ZFYVE9: variants seen among roughly 807,000 people sequenced by gnomAD.
The protein encoded by ZFYVE9 is zinc finger FYVE-type containing 9.
ZFYVE9 carries 43 observed loss-of-function variants against 126.7 expected under a neutral mutation model. The ratio of observed to expected loss-of-function variants is 0.34; its 90% CI spans 0.27 to 0.44. ZFYVE9 has a LOEUF of 0.44. ZFYVE9 is among the 20% of genes least tolerant of loss of function. The pLI, the probability that ZFYVE9 is intolerant of heterozygous loss-of-function variation, is 1.00. For synonymous variants in ZFYVE9, 521 were observed against 597.4 expected (o/e 0.87, Z 1.87); for missense variants, 1,476 against 1,697.0 (o/e 0.87, Z 2.29).
intron 13 of ZFYVE9, among the ~76,000 whole-genome samples, chr1:52,314,932 T>C (rs1004345641): frequency 6.6e-6 from 1 of 152,086 alleles, no homozygotes; most frequent in African/African-American, 2.4e-5. Flanking sequence ...TGCAGTGAGC[T>C]GAGATCGTGC....
At chr1:52,300,315 G>C (rs1048425340) in intron 12 of ZFYVE9, among the ~76,000 whole-genome samples, 1 of 152,158 alleles carries the variant, frequency 6.6e-6, no homozygotes, top group East Asian at 1.9e-4. Flanking sequence ...GTCTTGGCTG[G>C]GCGTAGTGGC....
chr1:52,171,073 C>T (rs914173378), intron 1 of ZFYVE9, among the ~76,000 whole-genome samples: 1 of 151,388 alleles, frequency 6.6e-6, no homozygotes, highest in African/African-American at 2.4e-5. Flanking sequence ...CATATGTATA[C>T]ATGTGCCATG....
At chr1:52,317,422 C>T (rs930732769) in intron 13 of ZFYVE9, among the ~76,000 whole-genome samples, 9 of 150,814 alleles carry the variant, frequency 6.0e-5, no homozygotes, top group Admixed American at 1.3e-4. Flanking sequence ...GTGGAGGTTG[C>T]GGTAACTCGA....
At chr1:52,269,326 C>T (rs548009395) in intron 7 of ZFYVE9, among the ~76,000 whole-genome samples, 2 of 152,036 alleles carry the variant, frequency 1.3e-5, no homozygotes, top group South Asian at 4.2e-4. Flanking sequence ...GACAGGGTTT[C>T]ACCATGTTGC....
rs1026767969 is a variant in ZFYVE9, at chr1:52,337,897, A to G, written c.3796A>G (p.Ile1266Val). The G allele has an allele frequency of 3.1e-6, 5 of 1,614,130 alleles. No individual in the cohort carries two copies. In the African/African-American group the frequency reaches 4.0e-5, roughly 13 times the overall value. ...DAEEPQEHIH[I>V]QWVDDDKNVS... ...GGAGGAACCCCAGGAGCACATCCAC[A>G]TCCAGTGGGTGGATGATGACAAGAA... Residue 1266 changes from isoleucine to valine, a missense_variant, in exon 16 of 19, where the codon ATC (isoleucine) becomes GTC (valine). Ile to Val is a conservative substitution (Grantham distance 29, BLOSUM62 3). Around this residue, in one of 2 missense-constraint regions of ZFYVE9, gnomAD observed 669 missense variants for 902.4 expected, o/e 0.74. Transcript: ENST00000287727.
At chr1:52,201,936 A>T (rs1226781419) in intron 1 of ZFYVE9, among the ~76,000 whole-genome samples, 2 of 151,306 alleles carry the variant, frequency 1.3e-5, no homozygotes, top group African/African-American at 4.9e-5. Flanking sequence ...GGCATGCACC[A>T]CCATGCCTGG....
chr1:52,278,858 G>C (rs1159629414), intron 9 of ZFYVE9, among the ~76,000 whole-genome samples: 1 of 151,372 alleles, frequency 6.6e-6, no homozygotes, highest in Non-Finnish European at 1.5e-5. Context: ...TCCTGCCTGA[G>C]CAGCTGGGAC....
chr1:52,253,872 A>G, intron 4 of ZFYVE9: 2 of 1,215,916 alleles, frequency 1.6e-6, no homozygotes, highest in Non-Finnish European at 2.4e-6. Context: ...CAGACTACAA[A>G]TCTGATGAAA....
chr1:52,274,649 T>C lies in ZFYVE9; in HGVS notation c.2746+65T>C, dbSNP rs550395104. 4.7e-5 allele frequency: 68 copies of C among 1,460,524 alleles called. No individual in the cohort carries two copies. The East Asian group carries it at 1.7e-3, about 36-fold the overall frequency. 90.5% of individuals were successfully genotyped at this position (1,460,524 alleles called of 1,614,324 possible). ...GCCAAATGTTACCTTCTAATTAAGG[T>C]AGAGAGACAGAATTTGAGTGACATT... On this transcript the variant is annotated intron_variant, in intron 8 of 18. Coordinates refer to ENST00000287727, the MANE Select transcript of ZFYVE9 (RefSeq NM_004799.4).
At chr1:52,275,077 T>C (rs1163656044) in intron 8 of ZFYVE9, among the ~76,000 whole-genome samples, 1 of 152,240 alleles carries the variant, frequency 6.6e-6, no homozygotes. Flanking sequence ...CTTAATATTA[T>C]GTGAAATTTT....
intron 4 of ZFYVE9, among the ~76,000 whole-genome samples, chr1:52,243,728 C>G (rs775116042): frequency 6.6e-6 from 1 of 151,738 alleles, no homozygotes; most frequent in Non-Finnish European, 1.5e-5. Flanking sequence ...CACTGTACTC[C>G]AGCCAGAGTG....
intron 2 of ZFYVE9, among the ~76,000 whole-genome samples, chr1:52,222,883 T>C (rs1232064440): frequency 6.6e-6 from 1 of 152,236 alleles, no homozygotes; most frequent in Non-Finnish European, 1.5e-5. Context: ...ATAAATTAGT[T>C]CCTGCTTTGG....
intron 2 of ZFYVE9, among the ~76,000 whole-genome samples, chr1:52,232,086 C>G (rs897914802): frequency 6.6e-6 from 1 of 152,120 alleles, no homozygotes; most frequent in Non-Finnish European, 1.5e-5. Context: ...TTAAAGTTTA[C>G]AAAGACAGCC....
intron 1 of ZFYVE9, chr1:52,150,314 G>A (rs1644342511): frequency 6.6e-6 from 1 of 152,252 alleles, no homozygotes; most frequent in Admixed American, 6.5e-5. Flanking sequence ...ACTGGCCCAG[G>A]CTGGGAATGG....
At chr1:52,325,289 C>T (rs1319222959) in intron 13 of ZFYVE9, among the ~76,000 whole-genome samples, 1 of 152,046 alleles carries the variant, frequency 6.6e-6, no homozygotes, top group East Asian at 1.9e-4. Context: ...GACTGCACCA[C>T]TGCACTCTAG....
intron 1 of ZFYVE9, among the ~76,000 whole-genome samples, chr1:52,199,704 G>A (rs1367208124): frequency 6.6e-6 from 1 of 152,160 alleles, no homozygotes; most frequent in Non-Finnish European, 1.5e-5. Flanking sequence ...TGAGGAGCAC[G>A]ATTGCTGGAT....
chr1:52,253,953 TGAATTGGTG>T, intron 4 of ZFYVE9: 1 of 869,942 alleles, frequency 1.1e-6, no homozygotes, highest in Non-Finnish European at 2.0e-6. Flanking sequence ...TTCGGCAACT[TGAATTGGTG>T]GAACCAAGTG....
chr1:52,205,665 C>T (rs1644971966), intron 1 of ZFYVE9, among the ~76,000 whole-genome samples: 1 of 152,082 alleles, frequency 6.6e-6, no homozygotes, highest in Admixed American at 6.5e-5. Context: ...AACCACCATG[C>T]CTGGCCACCT....
intron 1 of ZFYVE9, among the ~76,000 whole-genome samples, chr1:52,178,414 C>T (rs1644661972): frequency 6.6e-6 from 1 of 151,558 alleles, no homozygotes; most frequent in Non-Finnish European, 1.5e-5. Context: ...TCACTGTAAC[C>T]TCCACCTCCT....
Sources: allele counts gnomAD v4.1 joint callset (sites outside exome capture counted in the v4.1 genomes callset), GRCh38; gene constraint gnomAD v4.1.1; regional missense constraint gnomAD v4.1.1; transcripts MANE v1.5; gene names NCBI Gene and HGNC (gene_info 2026-07-23, HGNC 2026-07-21).